Variants in ELSPBP1 observed in about 807,000 individuals in gnomAD.
The protein encoded by ELSPBP1 is epididymal sperm binding protein 1.
Under a neutral mutation model 33.3 loss-of-function variants are expected in ELSPBP1, and 38 were observed. The observed-to-expected ratio is 1.14, with a 90% CI of 0.88 to 1.50. The LOEUF (loss-of-function observed/expected upper bound fraction) is 1.50, where lower values mean the gene tolerates loss of function less well. Ranked by LOEUF, ELSPBP1 falls within the 40% of genes most tolerant of loss-of-function variation. The probability of loss-of-function intolerance (pLI) is 0.00; values close to 1 mark genes in which losing one functional copy is unlikely to be tolerated. For missense variants in ELSPBP1, 267 were observed against 263.5 expected (o/e 1.01, Z -0.09); for synonymous variants, 85 against 94.1 (o/e 0.90, Z 0.56).
intron 2 of ELSPBP1, among the ~76,000 whole-genome samples, chr19:48,009,960 G>A (rs1006980058): frequency 2.0e-4 from 31 of 152,276 alleles, no homozygotes; most frequent in Admixed American, 2.6e-4. Flanking sequence ...CAAGTATCAA[G>A]AGAGTCTGGA....
chr19:48,016,306 A>G (rs933929800), intron 4 of ELSPBP1, among the ~76,000 whole-genome samples: 1 of 152,188 alleles, frequency 6.6e-6, no homozygotes, highest in Admixed American at 6.5e-5. Flanking sequence ...GCTTCTGAGT[A>G]TTTCTGTTTC....
At chr19:48,006,196 G>C (rs1272653431) in intron 1 of ELSPBP1, among the ~76,000 whole-genome samples, 1 of 152,028 alleles carries the variant, frequency 6.6e-6, no homozygotes, top group Non-Finnish European at 1.5e-5. Flanking sequence ...CTGGCCTCAA[G>C]CAATCCTCCC....
At position 48,019,897 on chromosome 19, in the gene ELSPBP1, T is replaced by TG. The variant is rs765930752; in HGVS notation, c.514+23dup. 31 of 1,495,494 alleles carry TG rather than the reference T, an allele frequency of 2.1e-5. No individual in the cohort carries two copies. In the East Asian group the frequency reaches 5.3e-4, roughly 26 times the overall value. The allele number at this position is 1,495,494 out of a possible 1,614,324, so 92.6% of individuals were successfully genotyped here. On this transcript the variant is annotated intron_variant, in intron 5 of 6. Coordinates refer to ENST00000339841, the MANE Select transcript of ELSPBP1 (RefSeq NM_022142.5). ...ACACCAGTAATCTGGGGATGGGGGT[T>TG]GGGTGGGTGTGGGTGGAGTCTTTCT...
chr19:48,021,127 G>A (rs1967195356), intron 5 of ELSPBP1, among the ~76,000 whole-genome samples: 1 of 152,150 alleles, frequency 6.6e-6, no homozygotes, highest in African/African-American at 2.4e-5. Flanking sequence ...GGATTCCACA[G>A]GTGCAAATGT....
At chr19:48,019,290 G>T (rs1294263048) in intron 4 of ELSPBP1, among the ~76,000 whole-genome samples, 2 of 152,172 alleles carry the variant, frequency 1.3e-5, no homozygotes, top group Non-Finnish European at 2.9e-5. Context: ...TAATAGTTAG[G>T]ATTGGTGTTC....
At chr19:48,012,251 G>A (rs1967087022) in intron 2 of ELSPBP1, among the ~76,000 whole-genome samples, 1 of 152,006 alleles carries the variant, frequency 6.6e-6, no homozygotes, top group African/African-American at 2.4e-5. Flanking sequence ...AGCCTCCCAA[G>A]TAGCTGGGAT....
rs1966897583 is a variant in ELSPBP1, at chr19:47,994,710, C to T, written c.-119C>T. On this transcript the variant is annotated 5_prime_UTR_variant, in exon 1 of 7. An upstream open reading frame in the 5' UTR gains an earlier in-frame stop. Coordinates refer to ENST00000339841, the MANE Select transcript of ELSPBP1 (RefSeq NM_022142.5). The stretch of plus-strand genomic sequence containing the variant: ...TTGTGTCCTACAGACAGGCTGGGGC[C>T]AAAGCCATTCAACCAATCCCCAGAT... 6.6e-6 allele frequency: 1 copy of T among 152,278 alleles called. No individual in the cohort carries two copies. The highest frequency in any genetic ancestry group is 1.5e-5 in the Non-Finnish European group (1 of 68,108). The allele number at this position is 152,278 out of a possible 1,614,324, so 9.4% of individuals were successfully genotyped here. A position where few individuals can be genotyped will look rare whatever the true frequency, so the allele number is the denominator to read the frequency against.
intron 1 of ELSPBP1, among the ~76,000 whole-genome samples, chr19:48,004,880 G>T (rs980817813): frequency 6.6e-6 from 1 of 152,174 alleles, no homozygotes; most frequent in Non-Finnish European, 1.5e-5. Context: ...ACTCATTCCT[G>T]AGTGGATGCA....
intron 2 of ELSPBP1, among the ~76,000 whole-genome samples, chr19:48,012,160 C>T (rs746691077): frequency 6.6e-6 from 1 of 152,198 alleles, no homozygotes; most frequent in Non-Finnish European, 1.5e-5. Flanking sequence ...GGGTCTCACT[C>T]TGTCACCCAG....
chr19:48,008,130 C>G (rs934102735), intron 1 of ELSPBP1, among the ~76,000 whole-genome samples: 5 of 152,094 alleles, frequency 3.3e-5, no homozygotes, highest in Admixed American at 2.6e-4. Flanking sequence ...TATGATACAG[C>G]CTGTGCTTCC....
intron 1 of ELSPBP1, among the ~76,000 whole-genome samples, chr19:47,999,134 C>G (rs1204873865): frequency 1.3e-5 from 2 of 152,224 alleles, no homozygotes; most frequent in East Asian, 3.8e-4. Context: ...GAGGCCTTCC[C>G]TGACCACCAA....
intron 1 of ELSPBP1, among the ~76,000 whole-genome samples, chr19:48,003,069 G>T (rs1029533980): frequency 6.6e-6 from 1 of 152,130 alleles, no homozygotes; most frequent in African/African-American, 2.4e-5. Context: ...CGGGGCTCAG[G>T]ACAGAGGGTT....
intron 1 of ELSPBP1, among the ~76,000 whole-genome samples, chr19:47,997,470 T>G (rs1329666083): frequency 6.6e-6 from 1 of 152,222 alleles, no homozygotes; most frequent in Non-Finnish European, 1.5e-5. Flanking sequence ...TGCACGTATA[T>G]GTATATACAC....
chr19:48,019,623 T>G, intron 4 of ELSPBP1, 96 bp from the exon 5 acceptor site: 1 of 1,256,056 alleles, frequency 8.0e-7, no homozygotes, highest in Non-Finnish European at 1.1e-6. Flanking sequence ...GACGTTGCCT[T>G]TAATGGGATA....
At chr19:48,012,600 C>T (rs1967090222) in intron 2 of ELSPBP1, among the ~76,000 whole-genome samples, 2 of 152,096 alleles carry the variant, frequency 1.3e-5, no homozygotes, top group South Asian at 4.2e-4. Context: ...TTTTTCCAAA[C>T]TTATTTTATT....
At chr19:48,015,398 G>C (rs984390828) in intron 3 of ELSPBP1, among the ~76,000 whole-genome samples, 2 of 152,154 alleles carry the variant, frequency 1.3e-5, no homozygotes, top group Admixed American at 6.5e-5. Flanking sequence ...GCTCATGCCT[G>C]TAATCCCAGC....
rs997714681 is a variant in ELSPBP1 at position 48,011,114 on chromosome 19, A to T, written c.70+2377A>T. Among the ~76,000 whole-genome samples the T allele has an allele frequency of 6.0e-5, 9 of 150,646 alleles. No homozygotes were observed. The highest frequency in any genetic ancestry group is 1.3e-4 in the Non-Finnish European group (9 of 67,684). On this transcript the variant is annotated intron_variant, in intron 2 of 6. Coordinates refer to ENST00000339841, the MANE Select transcript of ELSPBP1 (RefSeq NM_022142.5). The surrounding 1 kb of genome is among the most constrained non-coding windows in gnomAD (Gnocchi z 4.5). ...AATAATAGCGACAATGACAATGATGATGGTGACAGTGATGATGATGACGAT... is the reference window on the plus strand; with the variant it reads ...AATAATAGCGACAATGACAATGATGTTGGTGACAGTGATGATGATGACGAT...
intron 4 of ELSPBP1, among the ~76,000 whole-genome samples, chr19:48,017,603 C>A (rs2122328308): frequency 6.6e-6 from 1 of 152,206 alleles, no homozygotes; most frequent in East Asian, 1.9e-4. Flanking sequence ...GGAAAGGTAT[C>A]AGTGAGACCA....
chr19:48,016,102 C>T, intron 4 of ELSPBP1, 63 bp downstream of exon 4: 2 of 1,578,912 alleles, frequency 1.3e-6, no homozygotes, highest in Non-Finnish European at 1.7e-6. Flanking sequence ...ATGGATCCTC[C>T]TGAGGGGAGG....
Sources: gnomAD v4.1 joint callset for allele counts (sites outside exome capture counted in the v4.1 genomes callset) on GRCh38, gnomAD v4.1.1 for gene constraint, Gnocchi (gnomAD v3.1) non-coding constraint, MANE v1.5 for transcripts, NCBI Gene and HGNC (gene_info 2026-07-23, HGNC 2026-07-21) for gene names.